TBC1D19: variants seen among roughly 807,000 people sequenced by gnomAD.
TBC1D19 encodes TBC1 domain family member 19, also known as TBC1 domain family, member 19.
Under a neutral mutation model 89.0 loss-of-function variants are expected in TBC1D19, and 60 were observed. The ratio of observed to expected loss-of-function variants is 0.67; its 90% CI spans 0.55 to 0.84. The LOEUF is 0.84. Ranked by LOEUF, TBC1D19 falls within the 40% of genes least tolerant of loss-of-function variation. The probability of loss-of-function intolerance (pLI) is 0.00; values close to 1 mark genes in which losing one functional copy is unlikely to be tolerated. For synonymous variants in TBC1D19, 189 were observed against 199.7 expected, an observed-to-expected ratio of 0.95 and a Z score of 0.45; for missense variants, 500 against 610.8, an observed-to-expected ratio of 0.82 and a Z score of 1.91.
intron 7 of TBC1D19, among the ~76,000 whole-genome samples, chr4:26,651,159 G>A (rs147598625): frequency 0.46 from 69,354 of 151,942 alleles, 17,587 homozygotes; most frequent in Admixed American, 0.6. Flanking sequence ...TGATGCCTTC[G>A]GCTTTGTTCT....
At chr4:26,592,593 C>T (rs1343548914) in intron 1 of TBC1D19, among the ~76,000 whole-genome samples, 8 of 152,098 alleles carry the variant, frequency 5.3e-5, no homozygotes, top group East Asian at 1.9e-4. Context: ...AAAACCCCAT[C>T]GTCTCAGCCC....
chr4:26,839,116 G>A, the TBC1D19 span, among the ~76,000 whole-genome samples: 2 of 152,194 alleles, frequency 1.3e-5, no homozygotes, highest in African/African-American at 4.8e-5. Flanking sequence ...CATGCATAGG[G>A]CTGTCAAATA....
At chr4:26,640,472 C>T (rs1180234889) in intron 7 of TBC1D19, among the ~76,000 whole-genome samples, 1 of 152,174 alleles carries the variant, frequency 6.6e-6, no homozygotes, top group African/African-American at 2.4e-5. Flanking sequence ...GCCCAGTCTG[C>T]AGCTCCCAGC....
chr4:26,599,476 T>A (rs570640958), intron 1 of TBC1D19, among the ~76,000 whole-genome samples: 8 of 152,282 alleles, frequency 5.3e-5, no homozygotes, highest in African/African-American at 1.9e-4. Context: ...ATATAAGTGA[T>A]TTTTAGATTT....
At chr4:26,818,635 T>C in the TBC1D19 span, among the ~76,000 whole-genome samples, 204 of 152,330 alleles carry the variant, frequency 1.3e-3, 2 homozygotes, top group South Asian at 0.041. Flanking sequence ...ATTCCCCAAA[T>C]GTTAACATTT....
intron 14 of TBC1D19, 78 bp downstream of exon 14, chr4:26,718,095 AGTG>A: frequency 9.0e-7 from 1 of 1,115,968 alleles, no homozygotes; most frequent in Non-Finnish European, 1.3e-6. Context: ...TTTTGGAGAT[AGTG>A]GTGTTGCCAA....
the TBC1D19 span, among the ~76,000 whole-genome samples, chr4:26,840,845 C>T: frequency 7.2e-4 from 110 of 152,250 alleles, 1 homozygote; most frequent in African/African-American, 2.5e-3. Flanking sequence ...TCAGCTCAAG[C>T]GCTGTCCTTC....
At chr4:26,808,589 C>T in the TBC1D19 span, among the ~76,000 whole-genome samples, 2 of 151,772 alleles carry the variant, frequency 1.3e-5, no homozygotes, top group East Asian at 1.9e-4. Flanking sequence ...ATTAGCCAGG[C>T]GTGATGGCAG....
intron 13 of TBC1D19, among the ~76,000 whole-genome samples, chr4:26,700,723 A>G (rs59896716): frequency 0.014 from 2,059 of 152,216 alleles, 58 homozygotes; most frequent in African/African-American, 0.048. Context: ...GGAAAATTCT[A>G]TTGGTTTTGT....
At chr4:26,829,200 A>G in the TBC1D19 span, among the ~76,000 whole-genome samples, 726 of 152,358 alleles carry the variant, frequency 4.8e-3, 8 homozygotes, top group African/African-American at 0.017. Flanking sequence ...TGCCTGCACC[A>G]AATGCCTTAA....
intron 9 of TBC1D19, among the ~76,000 whole-genome samples, chr4:26,666,865 A>G (rs1711857675): frequency 6.6e-6 from 1 of 151,978 alleles, no homozygotes; most frequent in Non-Finnish European, 1.5e-5. Context: ...TTTATTAAAT[A>G]CTACACTGGT....
At chr4:26,737,256 A>G (rs537692392) in intron 16 of TBC1D19, among the ~76,000 whole-genome samples, 3 of 152,284 alleles carry the variant, frequency 2.0e-5, no homozygotes, top group African/African-American at 4.8e-5. Flanking sequence ...AAAATTTCAT[A>G]ACATAATACA....
the TBC1D19 span, among the ~76,000 whole-genome samples, chr4:26,831,960 T>A: frequency 6.6e-6 from 1 of 152,208 alleles, no homozygotes; most frequent in East Asian, 1.9e-4. Flanking sequence ...ATCTGCCATG[T>A]TCATGATGTG....
the TBC1D19 span, among the ~76,000 whole-genome samples, chr4:26,781,519 C>T: frequency 6.6e-6 from 1 of 152,134 alleles, no homozygotes; most frequent in Admixed American, 6.5e-5. Flanking sequence ...CCTACTGTTC[C>T]TAGGGTAAAA....
intron 11 of TBC1D19, among the ~76,000 whole-genome samples, chr4:26,675,658 G>A (rs954526646): frequency 6.6e-6 from 1 of 152,058 alleles, no homozygotes; most frequent in African/African-American, 2.4e-5. Flanking sequence ...GAAGGAAAAA[G>A]AATACTACTT....
At chr4:26,806,297 G>A in the TBC1D19 span, among the ~76,000 whole-genome samples, 1 of 152,186 alleles carries the variant, frequency 6.6e-6, no homozygotes, top group Non-Finnish European at 1.5e-5. Context: ...GACCAGGCCT[G>A]TGACCTGTGG....
intron 15 of TBC1D19, among the ~76,000 whole-genome samples, chr4:26,725,209 C>G (rs1717233682): frequency 6.6e-6 from 1 of 152,106 alleles, no homozygotes; most frequent in South Asian, 2.1e-4. Context: ...GCCATATGCT[C>G]TCTTACTAAA....
chr4:26,854,518 C>G, the TBC1D19 span, among the ~76,000 whole-genome samples: 1 of 152,154 alleles, frequency 6.6e-6, no homozygotes. Flanking sequence ...TTGAATGCTA[C>G]TATTACTATC....
At chr4:26,783,996 G>T in the TBC1D19 span, among the ~76,000 whole-genome samples, 55 of 152,248 alleles carry the variant, frequency 3.6e-4, no homozygotes, top group Non-Finnish European at 6.8e-4. Context: ...AAGTTTCTTT[G>T]TTGGTCACCA....
Sources: allele counts gnomAD v4.1 joint callset (sites outside exome capture counted in the v4.1 genomes callset), GRCh38; gene constraint gnomAD v4.1.1; transcripts MANE v1.5; gene names NCBI Gene and HGNC (gene_info 2026-07-23, HGNC 2026-07-21).